The following NRXN3 variants were observed in gnomAD, a reference collection of about 807,000 sequenced individuals.
NRXN3 encodes neurexin 3, also known as neurexin III.
Under a neutral mutation model 137.6 loss-of-function variants are expected in NRXN3, and 32 were observed. The ratio of observed to expected loss-of-function variants is 0.23; its 90% CI spans 0.18 to 0.31. The LOEUF (loss-of-function observed/expected upper bound fraction) is 0.31, where lower values mean the gene tolerates loss of function less well. Among genes scored for constraint, NRXN3 ranks in the 10% least tolerant of loss-of-function variants. The probability of loss-of-function intolerance (pLI) is 1.00; values close to 1 mark genes in which losing one functional copy is unlikely to be tolerated. For synonymous variants in NRXN3, 798 were observed against 784.5 expected (o/e 1.02, Z -0.29); for missense variants, 1,574 against 2,062.5 (o/e 0.76, Z 4.59).
chr14:79,534,481 A>G (rs757551444), intron 16 of NRXN3, among the ~76,000 whole-genome samples: 3 of 152,310 alleles, frequency 2.0e-5, no homozygotes, highest in Middle Eastern at 6.8e-3. Context: ...ATGTTCGAAC[A>G]TAGCCTCTCT....
At chr14:78,217,594 A>G (rs1735460081) in intron 1 of NRXN3, among the ~76,000 whole-genome samples, 1 of 152,224 alleles carries the variant, frequency 6.6e-6, no homozygotes, top group Non-Finnish European at 1.5e-5. Context: ...TCATACATTT[A>G]CAAGTCTGAA....
chr14:78,236,895 T>C (rs1162505847), intron 1 of NRXN3, among the ~76,000 whole-genome samples: 1 of 152,218 alleles, frequency 6.6e-6, no homozygotes, highest in Non-Finnish European at 1.5e-5. Flanking sequence ...AATTCATGCC[T>C]TAACCTCCCT....
At chr14:79,315,619 C>T (rs781320864) in intron 15 of NRXN3, among the ~76,000 whole-genome samples, 3 of 152,144 alleles carry the variant, frequency 2.0e-5, no homozygotes, top group Non-Finnish European at 4.4e-5. Flanking sequence ...AAAAATATTA[C>T]AATAAATAAC....
intron 4 of NRXN3, among the ~76,000 whole-genome samples, chr14:78,590,392 A>G (rs1302338110): frequency 6.6e-6 from 1 of 152,212 alleles, no homozygotes; most frequent in East Asian, 1.9e-4. Flanking sequence ...GCAGACCAAT[A>G]TCTTCTGTAA....
intron 1 of NRXN3, among the ~76,000 whole-genome samples, chr14:78,232,507 T>G (rs1041674687): frequency 2.0e-5 from 3 of 152,160 alleles, no homozygotes; most frequent in African/African-American, 7.2e-5. Flanking sequence ...TAAATTGCAC[T>G]CTTGCTGGGC....
chr14:78,281,600 C>T (rs964526334), intron 3 of NRXN3, among the ~76,000 whole-genome samples: 2 of 152,166 alleles, frequency 1.3e-5, no homozygotes, highest in African/African-American at 4.8e-5. Flanking sequence ...TCCACATTCC[C>T]TGCTTGTAAC....
At chr14:79,026,176 G>A (rs368070868) in intron 15 of NRXN3, among the ~76,000 whole-genome samples, 7 of 152,108 alleles carry the variant, frequency 4.6e-5, no homozygotes, top group Admixed American at 3.3e-4. Flanking sequence ...GCGCAGCAAA[G>A]CTTAATGAAT....
intron 1 of NRXN3, among the ~76,000 whole-genome samples, chr14:78,241,137 A>G (rs2067025771): frequency 6.6e-6 from 1 of 152,154 alleles, no homozygotes; most frequent in South Asian, 2.1e-4. Context: ...CACTCTAGGA[A>G]TTTCTTAACT....
At position 79,287,938 on chromosome 14, in the gene NRXN3, A is replaced by G. The variant is rs143020854; in HGVS notation, c.3263-179283A>G. The stretch of plus-strand genomic sequence containing the variant: ...GGAAAACTTTCCTTTTCATATCTTC[A>G]TCATTTGTACAATGAGAGATTTGAG... On this transcript the variant is annotated intron_variant, in intron 15 of 20. Transcript: ENST00000335750. Among the ~76,000 whole-genome samples, 82 of 152,248 alleles carry G rather than the reference A, an allele frequency of 5.4e-4. 1 individual carries two copies. The highest frequency in any genetic ancestry group is 1.9e-3 in the African/African-American group (80 of 41,550).
Position 78,585,941 on chromosome 14 carries a change from G to A in NRXN3, c.758-59179G>A, listed in dbSNP as rs76956206. On this transcript the variant is annotated intron_variant, in intron 4 of 20. Coordinates refer to ENST00000335750, the MANE Select transcript of NRXN3 (RefSeq NM_001330195.2). ...CATTAGCATACACATGCTATTTAGA[G>A]GCTTGAGACTGGATGGAAGCGTAGA... is the stretch of plus-strand genomic sequence containing the variant. 3.1e-3 allele frequency among the ~76,000 whole-genome samples: 478 copies of A among 152,272 alleles called. 4 individuals are homozygous for A. Among genetic ancestry groups the A allele is most frequent in the East Asian group, 0.015 (77 of 5,182 alleles).
chr14:78,751,928 A>C (rs1252435773), intron 8 of NRXN3, among the ~76,000 whole-genome samples: 1 of 152,206 alleles, frequency 6.6e-6, no homozygotes, highest in African/African-American at 2.4e-5. Context: ...GCACTGAACC[A>C]GGAAATGGAT....
intron 19 of NRXN3, among the ~76,000 whole-genome samples, chr14:79,779,573 C>CTCCA (rs2099107553): frequency 1.3e-5 from 2 of 152,170 alleles, no homozygotes; most frequent in Admixed American, 1.3e-4. Flanking sequence ...CAGCCACATC[C>CTCCA]TCCACCACTG....
chr14:78,919,964 C>A, intron 10 of NRXN3, among the ~76,000 whole-genome samples: 1 of 152,234 alleles, frequency 6.6e-6, no homozygotes, highest in Non-Finnish European at 1.5e-5. Context: ...TGGCAATATA[C>A]GCTTACAATT....
At chr14:78,939,831 A>G (rs1324502587) in intron 10 of NRXN3, among the ~76,000 whole-genome samples, 1 of 152,162 alleles carries the variant, frequency 6.6e-6, no homozygotes, top group African/African-American at 2.4e-5. Context: ...ATCTTTGTTC[A>G]GCACACACGT....
chr14:79,107,795 A>G lies in NRXN3; in HGVS notation c.3262+119654A>G, dbSNP rs531348556. Among the ~76,000 whole-genome samples, 209 of 152,232 alleles carry G rather than the reference A, an allele frequency of 1.4e-3. 1 individual carries two copies. The highest frequency in any genetic ancestry group is 2.9e-3 in the Admixed American group (45 of 15,270). ...ATGATGGTAGTGTTTGCCGAGATGGAGAAGACTGGGGTAGAAACAGAAATA... is the reference window on the plus strand; with the variant it reads ...ATGATGGTAGTGTTTGCCGAGATGGGGAAGACTGGGGTAGAAACAGAAATA... On this transcript the variant is annotated intron_variant, in intron 15 of 20. Coordinates refer to ENST00000335750, the MANE Select transcript of NRXN3 (RefSeq NM_001330195.2).
At chr14:78,539,276 T>A (rs1183089756) in intron 4 of NRXN3, among the ~76,000 whole-genome samples, 1 of 151,922 alleles carries the variant, frequency 6.6e-6, no homozygotes, top group East Asian at 1.9e-4. Flanking sequence ...TTATTAATTA[T>A]TGCCTCAATT....
intron 6 of NRXN3, among the ~76,000 whole-genome samples, chr14:78,697,080 G>A (rs2098233937): frequency 6.6e-6 from 1 of 152,084 alleles, no homozygotes; most frequent in African/African-American, 2.4e-5. Context: ...GATAGATCAC[G>A]TTTGAGATGT....
At chr14:79,414,932 T>C (rs531476383) in intron 15 of NRXN3, among the ~76,000 whole-genome samples, 3 of 152,254 alleles carry the variant, frequency 2.0e-5, no homozygotes, top group East Asian at 3.9e-4. Flanking sequence ...TTTTTTAGAT[T>C]CAATATATAA....
intron 4 of NRXN3, among the ~76,000 whole-genome samples, chr14:78,431,632 A>G (rs532901742): frequency 1.3e-5 from 2 of 152,120 alleles, no homozygotes; most frequent in Non-Finnish European, 2.9e-5. Flanking sequence ...TGGTCTTCAT[A>G]TGATAGGTAG....
Sources: gnomAD v4.1 joint callset for allele counts (sites outside exome capture counted in the v4.1 genomes callset) on GRCh38, gnomAD v4.1.1 for gene constraint, MANE v1.5 for transcripts, NCBI Gene and HGNC (gene_info 2026-07-23, HGNC 2026-07-21) for gene names.